The following SH3PXD2A variants were observed in gnomAD, a reference collection of about 807,000 sequenced individuals.
The protein encoded by SH3PXD2A is SH3 and PX domains 2A.
In SH3PXD2A, 32 loss-of-function variants were observed where a neutral mutation model predicts 115.2. The ratio of observed to expected loss-of-function variants is 0.28; its 90% CI spans 0.21 to 0.37. The LOEUF is 0.37. Ranked by LOEUF, SH3PXD2A falls within the 10% of genes least tolerant of loss-of-function variation. The pLI, the probability that SH3PXD2A is intolerant of heterozygous loss-of-function variation, is 1.00. For synonymous variants in SH3PXD2A, 610 were observed against 629.1 expected, an observed-to-expected ratio of 0.97 and a Z score of 0.45; for missense variants, 1,328 against 1,498.7, an observed-to-expected ratio of 0.89 and a Z score of 1.88.
chr10:103,807,803 T>G lies in SH3PXD2A; in HGVS notation c.73-6441A>C, dbSNP rs187299898. On this transcript the variant is annotated intron_variant, in intron 1 of 14. Coordinates refer to ENST00000369774, the MANE Select transcript of SH3PXD2A (RefSeq NM_001394015.1). ...TCTTCGGAGTCTGGGGATGCAGGGATAGCTAACATTTGGGACTGACTGCTA... is the reference window on the plus strand; with the variant it reads ...TCTTCGGAGTCTGGGGATGCAGGGAGAGCTAACATTTGGGACTGACTGCTA... Among the ~76,000 whole-genome samples the G allele has an allele frequency of 2.3e-3, 356 of 152,246 alleles. 9 individuals are homozygous for G. The highest frequency in any genetic ancestry group is 0.02 in the Admixed American group (307 of 15,296).
Position 103,627,272 on chromosome 10 carries a change from G to T in SH3PXD2A, c.605-70C>A. ...GTGGCAGGGGTGGCTCGGGGGCCAG[G>T]ACAAGGATGGAAGGAGAGGCACAAG... On this transcript the variant is annotated intron_variant, in intron 8 of 14. Coordinates refer to ENST00000369774, the MANE Select transcript of SH3PXD2A (RefSeq NM_001394015.1). This position sits in a 1 kb window ranked among gnomAD's most constrained non-coding sequence, Gnocchi z 4.4. 1 of 881,404 alleles carries T rather than the reference G, an allele frequency of 1.1e-6. No individual in the cohort carries two copies. Among genetic ancestry groups the T allele is most frequent in the South Asian group, 1.4e-5 (1 of 72,274 alleles). The allele number at this position is 881,404 out of a possible 1,614,324, so 54.6% of individuals were successfully genotyped here. A position where few individuals can be genotyped will look rare whatever the true frequency, so the allele number is the denominator to read the frequency against.
chr10:103,760,782 T>A (rs953910353), intron 3 of SH3PXD2A, among the ~76,000 whole-genome samples: 1 of 152,146 alleles, frequency 6.6e-6, no homozygotes, highest in African/African-American at 2.4e-5. Flanking sequence ...GGTCTCAAAC[T>A]CTTATCCTCA....
intron 6 of SH3PXD2A, among the ~76,000 whole-genome samples, chr10:103,671,489 A>G (rs2037458648): frequency 6.6e-6 from 1 of 152,214 alleles, no homozygotes; most frequent in Non-Finnish European, 1.5e-5. Context: ...TTTTAAAAAG[A>G]AACCTCTCTC....
intron 6 of SH3PXD2A, chr10:103,673,680 A>G (rs572124584): frequency 1.3e-5 from 2 of 152,262 alleles, no homozygotes; most frequent in Non-Finnish European, 1.5e-5. Context: ...ATCCAAATCT[A>G]GTCTGAAACC....
chr10:103,682,601 C>T (rs2037624670), intron 6 of SH3PXD2A, among the ~76,000 whole-genome samples: 1 of 151,970 alleles, frequency 6.6e-6, no homozygotes, highest in Non-Finnish European at 1.5e-5. Context: ...ACTAAAAATA[C>T]AAAAAATTAG....
intron 2 of SH3PXD2A, among the ~76,000 whole-genome samples, chr10:103,799,770 G>A (rs2039129584): frequency 6.6e-6 from 1 of 152,142 alleles, no homozygotes; most frequent in East Asian, 1.9e-4. Context: ...CCATTGATGG[G>A]GTATCAGCAA....
intron 2 of SH3PXD2A, among the ~76,000 whole-genome samples, chr10:103,786,260 C>T (rs1395181518): frequency 6.6e-6 from 1 of 152,178 alleles, no homozygotes; most frequent in Non-Finnish European, 1.5e-5. Flanking sequence ...AACGGCTTAG[C>T]GCATGGATTC....
chr10:103,729,562 G>C (rs1328472196), intron 4 of SH3PXD2A, among the ~76,000 whole-genome samples: 1 of 152,326 alleles, frequency 6.6e-6, no homozygotes, highest in East Asian at 1.9e-4. Flanking sequence ...CAGGTTCTGG[G>C]GCAAGTGGGA....
chr10:103,648,115 G>A (rs548054227), intron 8 of SH3PXD2A, among the ~76,000 whole-genome samples: 1 of 152,186 alleles, frequency 6.6e-6, no homozygotes, highest in Non-Finnish European at 1.5e-5. Flanking sequence ...ACACGGGCTG[G>A]TGGGCACGAC....
intron 1 of SH3PXD2A, among the ~76,000 whole-genome samples, chr10:103,837,330 T>C (rs1037347572): frequency 9.2e-5 from 14 of 152,194 alleles, no homozygotes; most frequent in Admixed American, 2.6e-4. Flanking sequence ...TTTTCAGTCC[T>C]AGCTCTACCA....
chr10:103,849,392 A>G (rs1842877212), intron 1 of SH3PXD2A, among the ~76,000 whole-genome samples: 1 of 152,240 alleles, frequency 6.6e-6, no homozygotes, highest in Non-Finnish European at 1.5e-5. Flanking sequence ...CATCTTCTGC[A>G]TTGCCTGGCA....
At chr10:103,791,613 G>A (rs549475974) in intron 2 of SH3PXD2A, among the ~76,000 whole-genome samples, 2 of 152,062 alleles carry the variant, frequency 1.3e-5, no homozygotes, top group South Asian at 4.2e-4. Flanking sequence ...TTTATGCATA[G>A]ATGTGCAGAG....
At chr10:103,811,682 T>C (rs1313567018) in intron 1 of SH3PXD2A, among the ~76,000 whole-genome samples, 1 of 152,208 alleles carries the variant, frequency 6.6e-6, no homozygotes, top group Non-Finnish European at 1.5e-5. Flanking sequence ...CAATTAGCTC[T>C]GTCAGTTGGT....
At chr10:103,607,618 C>T (rs1172306115) in intron 13 of SH3PXD2A, among the ~76,000 whole-genome samples, 1 of 152,176 alleles carries the variant, frequency 6.6e-6, no homozygotes, top group Non-Finnish European at 1.5e-5. Context: ...GTGAGGAGCC[C>T]CTCTGCCCGG....
intron 1 of SH3PXD2A, among the ~76,000 whole-genome samples, chr10:103,845,820 G>A (rs773651383): frequency 8.5e-5 from 13 of 152,132 alleles, no homozygotes; most frequent in Non-Finnish European, 1.6e-4. Flanking sequence ...CCTTTAGTGA[G>A]AGTACGCCTC....
rs1479511664 is a variant in SH3PXD2A, at chr10:103,627,074, C to T, written c.718+15G>A. ...GCCGCGTTGCTCCCTGCCCCTTGGACCTGCAAGCCCTCACCTTCTCCAGTC... is the reference window on the plus strand; with the variant it reads ...GCCGCGTTGCTCCCTGCCCCTTGGATCTGCAAGCCCTCACCTTCTCCAGTC... On this transcript the variant is annotated intron_variant, in intron 9 of 14. Coordinates refer to ENST00000369774, the MANE Select transcript of SH3PXD2A (RefSeq NM_001394015.1). The surrounding 1 kb of genome is among the most constrained non-coding windows in gnomAD (Gnocchi z 4.4). The T allele has an allele frequency of 8.1e-6, 12 of 1,481,476 alleles. No homozygotes were observed. The highest frequency in any genetic ancestry group is 2.8e-5 in the African/African-American group (2 of 72,300). 91.8% of individuals were successfully genotyped at this position (1,481,476 alleles called of 1,614,324 possible). A position where few individuals can be genotyped will look rare whatever the true frequency, so the allele number is the denominator to read the frequency against.
intron 3 of SH3PXD2A, among the ~76,000 whole-genome samples, chr10:103,751,873 T>A (rs2038583529): frequency 6.6e-6 from 1 of 152,180 alleles, no homozygotes; most frequent in Non-Finnish European, 1.5e-5. Flanking sequence ...TAACCCGCAC[T>A]CCCTGTCCAG....
Position 103,816,629 on chromosome 10 carries a change from A to T in SH3PXD2A, c.73-15267T>A, listed in dbSNP as rs2039326283. 2.6e-5 allele frequency among the ~76,000 whole-genome samples: 4 copies of T among 152,330 alleles called. No homozygotes were observed. In the South Asian group the frequency reaches 8.3e-4, roughly 32 times the overall value. ...AGATGGTTAAACGTAGCGTCACCGG[A>T]TGACTCAGCAATTCTATTCTGAGGC... On this transcript the variant is annotated intron_variant, in intron 1 of 14. Transcript: ENST00000369774.
intron 5 of SH3PXD2A, 58 bp from the exon 6 acceptor site, chr10:103,693,114 G>C: frequency 6.7e-7 from 1 of 1,502,014 alleles, no homozygotes; most frequent in Non-Finnish European, 9.2e-7. Context: ...GCGCGGGGCT[G>C]CAGCTGCAGG....
Sources: allele counts gnomAD v4.1 joint callset (sites outside exome capture counted in the v4.1 genomes callset), GRCh38; gene constraint gnomAD v4.1.1; non-coding constraint Gnocchi (gnomAD v3.1); transcripts MANE v1.5; gene names NCBI Gene and HGNC (gene_info 2026-07-23, HGNC 2026-07-21).